The following CNTLN variants were observed in gnomAD, a reference collection of about 807,000 sequenced individuals.
CNTLN encodes the protein centlein.
A neutral mutation model predicts 180.0 loss-of-function variants in CNTLN; 212 were observed. That is an observed-to-expected ratio of 1.18 (90% CI 1.05 to 1.32). The LOEUF is 1.32. Ranked by LOEUF, CNTLN falls within the 40% of genes most tolerant of loss-of-function variation. The pLI is 0.00. For missense variants in CNTLN, 2,095 were observed against 1,610.9 expected (o/e 1.30, Z -5.14); for synonymous variants, 722 against 563.1 (o/e 1.28, Z -3.99).
the CNTLN span, among the ~76,000 whole-genome samples, chr9:17,520,928 C>T: frequency 4.6e-5 from 7 of 152,086 alleles, no homozygotes; most frequent in East Asian, 3.8e-4. Flanking sequence ...AGAAAATAAT[C>T]GAAGCTGCTT....
chr9:17,349,825 A>G (rs999421994), intron 12 of CNTLN, among the ~76,000 whole-genome samples: 1 of 152,220 alleles, frequency 6.6e-6, no homozygotes, highest in Non-Finnish European at 1.5e-5. Context: ...TTATTCATTC[A>G]TTCAATATTT....
intron 18 of CNTLN, among the ~76,000 whole-genome samples, chr9:17,454,614 G>C (rs1831002091): frequency 6.6e-6 from 1 of 152,196 alleles, no homozygotes; most frequent in Non-Finnish European, 1.5e-5. Context: ...ACACTATGTA[G>C]TAGCCTTTAC....
chr9:17,210,930 A>T (rs1224108486), intron 2 of CNTLN, among the ~76,000 whole-genome samples: 3 of 151,896 alleles, frequency 2.0e-5, no homozygotes, highest in Non-Finnish European at 1.5e-5. Flanking sequence ...AATTTGTTTG[A>T]GTTCATTGTA....
chr9:17,392,140 G>C (rs184058883), intron 14 of CNTLN, among the ~76,000 whole-genome samples: 3 of 152,264 alleles, frequency 2.0e-5, no homozygotes, highest in South Asian at 2.1e-4. Flanking sequence ...GATGGTGCAT[G>C]CCTCTGGTCC....
intron 23 of CNTLN, among the ~76,000 whole-genome samples, chr9:17,475,898 G>A (rs149403081): frequency 6.6e-6 from 1 of 151,208 alleles, no homozygotes; most frequent in Non-Finnish European, 1.5e-5. Flanking sequence ...AAAGAAGATA[G>A]GATGTAGCTG....
intron 12 of CNTLN, among the ~76,000 whole-genome samples, chr9:17,347,480 A>G (rs1230308651): frequency 6.6e-6 from 1 of 151,970 alleles, no homozygotes; most frequent in Non-Finnish European, 1.5e-5. Context: ...ACCAGCCTGG[A>G]CAACATGGTG....
intron 2 of CNTLN, among the ~76,000 whole-genome samples, chr9:17,197,161 G>A (rs144031567): frequency 0.013 from 2,037 of 152,166 alleles, 50 homozygotes; most frequent in African/African-American, 0.047. Flanking sequence ...ACTTCAAAGG[G>A]CTATTGTATA....
At chr9:17,259,786 A>G (rs1242327655) in intron 5 of CNTLN, among the ~76,000 whole-genome samples, 1 of 147,828 alleles carries the variant, frequency 6.8e-6, no homozygotes, top group Non-Finnish European at 1.5e-5. Flanking sequence ...GTATTCTCTG[A>G]TGGTAATTTA....
intron 2 of CNTLN, among the ~76,000 whole-genome samples, chr9:17,204,512 A>C (rs1050315345): frequency 6.6e-5 from 10 of 152,154 alleles, no homozygotes; most frequent in African/African-American, 2.4e-4. Context: ...GCTGGAGAAC[A>C]GCAGTGATTG....
intron 2 of CNTLN, chr9:17,167,637 AGG>A (rs917843139): frequency 9.9e-5 from 15 of 152,182 alleles, no homozygotes; most frequent in African/African-American, 3.6e-4. Flanking sequence ...TTCTACAATG[AGG>A]TATAGCATGT....
At chr9:17,247,570 T>A (rs1384114338) in intron 5 of CNTLN, among the ~76,000 whole-genome samples, 1 of 152,188 alleles carries the variant, frequency 6.6e-6, no homozygotes, top group Non-Finnish European at 1.5e-5. Context: ...CCTCTTTCTT[T>A]AATACGATGT....
chr9:17,155,901 G>A (rs1439498284), intron 2 of CNTLN, among the ~76,000 whole-genome samples: 1 of 152,216 alleles, frequency 6.6e-6, no homozygotes, highest in Non-Finnish European at 1.5e-5. Context: ...TGGTTTGCGG[G>A]ATGTAAAGAC....
chr9:17,437,178 T>C (rs1829828166), intron 18 of CNTLN, among the ~76,000 whole-genome samples: 1 of 152,238 alleles, frequency 6.6e-6, no homozygotes, highest in African/African-American at 2.4e-5. Context: ...GAATTGGACG[T>C]GACTGTCTTA....
At chr9:17,300,985 A>G in intron 7 of CNTLN, 1 of 983,542 alleles carries the variant, frequency 1.0e-6, no homozygotes, top group Non-Finnish European at 1.2e-6. Flanking sequence ...ATTAAATGGT[A>G]GAAGCAAGAA....
rs191573432 is a variant in CNTLN, at chr9:17,407,797, G to T, written c.2616-1496G>T. ...GAAGATGAAACTGAATTCTGGACAT[G>T]ATGCTCCATCATGATAAGCTGAAAC... On this transcript the variant is annotated intron_variant, in intron 15 of 25. Coordinates refer to ENST00000380647, the MANE Select transcript of CNTLN (RefSeq NM_017738.4). 2.9e-3 allele frequency among the ~76,000 whole-genome samples: 442 copies of T among 152,240 alleles called. 3 individuals carry two copies. The highest frequency in any genetic ancestry group is 5.1e-3 in the Admixed American group (78 of 15,294).
chr9:17,164,421 A>T (rs1167805236), intron 2 of CNTLN, among the ~76,000 whole-genome samples: 1 of 137,194 alleles, frequency 7.3e-6, no homozygotes, highest in Admixed American at 7.4e-5. Flanking sequence ...CCAAGTCCGG[A>T]TTTAACATCA....
intron 19 of CNTLN, among the ~76,000 whole-genome samples, chr9:17,458,621 A>G (rs562011069): frequency 6.4e-4 from 97 of 152,090 alleles, no homozygotes; most frequent in Admixed American, 1.2e-3. Flanking sequence ...GCACCCTTCA[A>G]TAATACATCT....
intron 8 of CNTLN, among the ~76,000 whole-genome samples, chr9:17,314,520 G>A (rs1342757004): frequency 2.0e-5 from 3 of 152,152 alleles, no homozygotes; most frequent in African/African-American, 4.8e-5. Context: ...TCTGCTTAGT[G>A]CATGAACAGT....
chr9:17,226,173 A>G, intron 2 of CNTLN, 30 bp from the exon 3 acceptor site: 1 of 1,171,032 alleles, frequency 8.5e-7, no homozygotes, highest in Non-Finnish European at 1.2e-6. Context: ...ACCAGTTATG[A>G]CTAATAAACT....
Sources: gnomAD v4.1 joint callset for allele counts (sites outside exome capture counted in the v4.1 genomes callset) on GRCh38, gnomAD v4.1.1 for gene constraint, MANE v1.5 for transcripts, NCBI Gene and HGNC (gene_info 2026-07-23, HGNC 2026-07-21) for gene names.